Variants in RELN observed in about 807,000 individuals in gnomAD.
RELN encodes reelin.
A neutral mutation model predicts 427.6 loss-of-function variants in RELN; 108 were observed. The ratio of observed to expected loss-of-function variants is 0.25; its 90% CI spans 0.22 to 0.30. The LOEUF is 0.30. Ranked by LOEUF, RELN falls within the 10% of genes least tolerant of loss-of-function variation. RELN has a pLI of 1.00. For synonymous variants in RELN, 1,524 were observed against 1,513.4 expected, an observed-to-expected ratio of 1.01 and a Z score of -0.16; for missense variants, 3,715 against 4,302.8, an observed-to-expected ratio of 0.86 and a Z score of 3.82.
At chr7:103,656,264 CCTAA>C (rs1188426369) in intron 12 of RELN, among the ~76,000 whole-genome samples, 1 of 152,026 alleles carries the variant, frequency 6.6e-6, no homozygotes, top group East Asian at 1.9e-4. Flanking sequence ...TGCAAATATT[CCTAA>C]CTAAATTGTC....
At chr7:103,795,824 G>A (rs1476889265) in intron 3 of RELN, among the ~76,000 whole-genome samples, 1 of 152,150 alleles carries the variant, frequency 6.6e-6, no homozygotes, top group Non-Finnish European at 1.5e-5. Flanking sequence ...ATTACATTCT[G>A]GATAAGTAGC....
chr7:103,698,565 G>A (rs1022838544), intron 9 of RELN, among the ~76,000 whole-genome samples: 1 of 152,134 alleles, frequency 6.6e-6, no homozygotes, highest in Non-Finnish European at 1.5e-5. Flanking sequence ...ATAGGCTGGA[G>A]TGCAGTGGCA....
chr7:103,489,203 GGTGTGT>G lies in RELN; in HGVS notation c.9763+533_9763+538del, dbSNP rs3051647. 3.2e-4 allele frequency among the ~76,000 whole-genome samples: 48 copies of G among 147,868 alleles called. 1 individual carries two copies. The highest frequency in any genetic ancestry group is 5.4e-4 in the Admixed American group (8 of 14,904). Reference sequence around the variant, plus strand: ...AATGTATTTCTTTGAGTCATAAAGGGGTGTGTGTGTGTGTGTGTGTGTGTGTCCGTG... The same window carrying G: ...AATGTATTTCTTTGAGTCATAAAGGGGTGTGTGTGTGTGTGTGTGTCCGTG... On this transcript the variant is annotated intron_variant, in intron 60 of 64. Transcript: ENST00000428762.
At chr7:103,559,792 G>T (rs1830603344) in intron 36 of RELN, among the ~76,000 whole-genome samples, 1 of 152,196 alleles carries the variant, frequency 6.6e-6, no homozygotes, top group Non-Finnish European at 1.5e-5. Context: ...AGGTTGAGAG[G>T]AAAGGTCCCT....
At chr7:103,695,401 T>TC (rs1467171169) in intron 10 of RELN, among the ~76,000 whole-genome samples, 3 of 152,138 alleles carry the variant, frequency 2.0e-5, no homozygotes, top group Non-Finnish European at 1.5e-5. Context: ...TGATTTTTTT[T>TC]CCCTTAATAG....
At chr7:103,525,243 T>C (rs1253886851) in intron 46 of RELN, among the ~76,000 whole-genome samples, 1 of 152,218 alleles carries the variant, frequency 6.6e-6, no homozygotes, top group Non-Finnish European at 1.5e-5. Context: ...AAATGATGTT[T>C]CTTCCATGCT....
intron 8 of RELN, among the ~76,000 whole-genome samples, chr7:103,722,441 T>C (rs985181146): frequency 6.6e-6 from 1 of 152,180 alleles, no homozygotes; most frequent in African/African-American, 2.4e-5. Flanking sequence ...TAATGGGACC[T>C]AGGCCCCATT....
rs76697571 is a variant in RELN, at chr7:103,887,216, T to G, written c.337+29859A>C. Among the ~76,000 whole-genome samples the G allele has an allele frequency of 8.9e-3, 1,355 of 152,290 alleles. 21 individuals carry two copies. The highest frequency in any genetic ancestry group is 0.031 in the African/African-American group (1,288 of 41,556). ...ACTACTTCCTCTTCAGCTTCACTAT[T>G]TGACACCCCAGACAGCCTCATGATT... is the stretch of plus-strand genomic sequence containing the variant. On this transcript the variant is annotated intron_variant, in intron 2 of 64. Transcript: ENST00000428762.
rs982979434 is a variant in RELN at position 103,953,495 on chromosome 7, T to A, written c.226+35636A>T. 6.6e-6 allele frequency among the ~76,000 whole-genome samples: 1 copy of A among 152,208 alleles called. No homozygotes were observed. Among genetic ancestry groups the A allele is most frequent in the Admixed American group, 6.5e-5 (1 of 15,280 alleles). Reference sequence around the variant, plus strand: ...AATCACATTTTGGCAGTGCTGATATTTTTAAGGCACTGGTAGGGGGACATA... The same window carrying A: ...AATCACATTTTGGCAGTGCTGATATATTTAAGGCACTGGTAGGGGGACATA... On this transcript the variant is annotated intron_variant, in intron 1 of 64. Transcript: ENST00000428762. The surrounding 1 kb of genome is among the most constrained non-coding windows in gnomAD (Gnocchi z 4.3).
At chr7:103,548,492 G>C (rs1351425671) in intron 41 of RELN, among the ~76,000 whole-genome samples, 1 of 152,208 alleles carries the variant, frequency 6.6e-6, no homozygotes, top group Non-Finnish European at 1.5e-5. Flanking sequence ...TTCTTTTCCT[G>C]AAACAAGGAC....
At chr7:103,616,666 A>G (rs529710840) in intron 20 of RELN, among the ~76,000 whole-genome samples, 1 of 151,558 alleles carries the variant, frequency 6.6e-6, no homozygotes, top group Non-Finnish European at 1.5e-5. Context: ...GTACACACAC[A>G]TACTTTTTTT....
At chr7:103,624,712 C>T (rs1272244896) in intron 20 of RELN, among the ~76,000 whole-genome samples, 1 of 152,154 alleles carries the variant, frequency 6.6e-6, no homozygotes, top group Admixed American at 6.5e-5. Flanking sequence ...TGTGAGCCAC[C>T]GTGCCTGGCC....
At chr7:103,700,434 T>A (rs1562962418) in intron 9 of RELN, among the ~76,000 whole-genome samples, 1 of 152,084 alleles carries the variant, frequency 6.6e-6, no homozygotes, top group African/African-American at 2.4e-5. Context: ...TTAATAGAAT[T>A]TTAGAACTGG....
intron 2 of RELN, among the ~76,000 whole-genome samples, chr7:103,898,630 T>C (rs187676488): frequency 1.3e-5 from 2 of 151,572 alleles, no homozygotes; most frequent in Admixed American, 1.3e-4. Flanking sequence ...TTTGCCAAAG[T>C]TAAATAAGGG....
intron 1 of RELN, among the ~76,000 whole-genome samples, chr7:103,925,695 A>T (rs1408983513): frequency 6.6e-6 from 1 of 152,206 alleles, no homozygotes; most frequent in East Asian, 1.9e-4. Flanking sequence ...AAATTTAAGC[A>T]AAGATTAGCC....
chr7:103,744,630 T>C (rs1485757021), intron 6 of RELN, among the ~76,000 whole-genome samples: 4 of 152,144 alleles, frequency 2.6e-5, no homozygotes, highest in East Asian at 1.9e-4. Flanking sequence ...GAGAATACTA[T>C]AAACACCTCT....
chr7:103,744,969 TA>T (rs1790778170), intron 6 of RELN, among the ~76,000 whole-genome samples: 3 of 152,048 alleles, frequency 2.0e-5, no homozygotes, highest in Admixed American at 2.0e-4. Flanking sequence ...CCAAAAAAGA[TA>T]ATTTTAGACC....
At chr7:103,690,286 A>C (rs933614730) in intron 10 of RELN, among the ~76,000 whole-genome samples, 2 of 152,070 alleles carry the variant, frequency 1.3e-5, no homozygotes, top group Admixed American at 6.6e-5. Context: ...AGGAGTGAAA[A>C]AAAAAATCAG....
intron 53 of RELN, among the ~76,000 whole-genome samples, chr7:103,499,785 A>G (rs1277475986): frequency 1.3e-5 from 2 of 152,216 alleles, no homozygotes; most frequent in African/African-American, 4.8e-5. Context: ...TTTATAATTT[A>G]TAGATTTGTA....
Sources: allele counts gnomAD v4.1 joint callset (sites outside exome capture counted in the v4.1 genomes callset), GRCh38; gene constraint gnomAD v4.1.1; non-coding constraint Gnocchi (gnomAD v3.1); transcripts MANE v1.5; gene names NCBI Gene and HGNC (gene_info 2026-07-23, HGNC 2026-07-21).